The following CNR1 variants were observed in gnomAD, a reference collection of about 807,000 sequenced individuals.
The protein encoded by CNR1 is cannabinoid receptor 1.
A neutral mutation model predicts 23.0 loss-of-function variants in CNR1; 10 were observed. That is an observed-to-expected ratio of 0.43 (90% CI 0.27 to 0.74). The LOEUF (loss-of-function observed/expected upper bound fraction) is 0.74, where lower values mean the gene tolerates loss of function less well. Among genes scored for constraint, CNR1 ranks in the 30% least tolerant of loss-of-function variants. The pLI is 0.19. For synonymous variants in CNR1, 271 were observed against 255.2 expected, an observed-to-expected ratio of 1.06 and a Z score of -0.59; for missense variants, 422 against 618.8, an observed-to-expected ratio of 0.68 and a Z score of 3.37.
At chr6:88,145,363 C>A in intron 1 of CNR1, 26 bp from the exon 2 acceptor site, 7 of 1,034,802 alleles carry the variant, frequency 6.8e-6, no homozygotes, top group Non-Finnish European at 1.0e-5. Context: ...ACAAATAAGC[C>A]GAATGGTGAG....
Position 88,148,905 on chromosome 6 carries a change from A to T in CNR1, c.-63-3568T>A, listed in dbSNP as rs906178761. Among the ~76,000 whole-genome samples the T allele has an allele frequency of 7.6e-4, 116 of 152,250 alleles. 1 individual carries two copies. Among genetic ancestry groups the T allele is most frequent in the African/African-American group, 2.6e-3 (107 of 41,468 alleles). ...TGTGATGGCAGTAGGAGGCACTGCCAAACTGAGGGCCCCGAATCTCCCATG... is the reference window on the plus strand; with the variant it reads ...TGTGATGGCAGTAGGAGGCACTGCCTAACTGAGGGCCCCGAATCTCCCATG... On this transcript the variant is annotated intron_variant, in intron 1 of 1. Transcript: ENST00000369501.
intron 1 of CNR1, among the ~76,000 whole-genome samples, chr6:88,156,386 G>A (rs998822299): frequency 3.9e-5 from 6 of 152,192 alleles, no homozygotes; most frequent in Admixed American, 3.3e-4. Context: ...TCACACCCAT[G>A]TAAGGGACAT....
intron 1 of CNR1, among the ~76,000 whole-genome samples, chr6:88,153,849 G>A (rs1357456590): frequency 2.6e-5 from 4 of 152,322 alleles, no homozygotes; most frequent in East Asian, 1.9e-4. Flanking sequence ...ATAACTTGAT[G>A]AATGATGTTT....
At chr6:88,153,773 T>C (rs1777653308) in intron 1 of CNR1, among the ~76,000 whole-genome samples, 2 of 152,246 alleles carry the variant, frequency 1.3e-5, no homozygotes, top group Non-Finnish European at 2.9e-5. Flanking sequence ...TTTAGTCGAC[T>C]CTTATAACTG....
chr6:88,158,322 T>TA (rs1777910399), intron 1 of CNR1, among the ~76,000 whole-genome samples: 1 of 152,174 alleles, frequency 6.6e-6, no homozygotes, highest in African/African-American at 2.4e-5. Flanking sequence ...AATTAAGAAT[T>TA]AAGAGATTCC....
intron 1 of CNR1, among the ~76,000 whole-genome samples, chr6:88,148,450 C>T (rs549783964): frequency 6.9e-6 from 1 of 144,820 alleles, no homozygotes; most frequent in African/African-American, 2.8e-5. Flanking sequence ...CAGAAGAAGG[C>T]TCCAAATAAG....
chr6:88,157,085 G>A (rs1460519629), intron 1 of CNR1, among the ~76,000 whole-genome samples: 1 of 152,152 alleles, frequency 6.6e-6, no homozygotes, highest in Admixed American at 6.5e-5. Context: ...CAGCCACTTA[G>A]CAATGACGTA....
intron 1 of CNR1, among the ~76,000 whole-genome samples, chr6:88,165,288 T>A (rs1313103856): frequency 6.6e-6 from 1 of 152,240 alleles, no homozygotes; most frequent in African/African-American, 2.4e-5. Context: ...GTTAAACGGT[T>A]CCATCAACAT....
At chr6:88,157,448 C>A (rs576187065) in intron 1 of CNR1, among the ~76,000 whole-genome samples, 8 of 152,212 alleles carry the variant, frequency 5.3e-5, no homozygotes, top group Non-Finnish European at 1.0e-4. Flanking sequence ...AATTAAAATA[C>A]AAATAGGAAA....
In CNR1 at chr6:88,139,922, T is replaced by G. The variant is rs1776713835; in HGVS notation, c.*3934A>C. The G allele has an allele frequency of 6.6e-6, 1 of 152,350 alleles. No homozygotes were observed. Among genetic ancestry groups the G allele is most frequent in the African/African-American group, 2.4e-5 (1 of 41,454 alleles). The allele number at this position is 152,350 out of a possible 1,614,324, so 9.4% of individuals were successfully genotyped here. ...TTTGATTCCAGGTAACTTTGGACAA[T>G]AGACATGATGAGATGTTTTCTCTTT... On this transcript the variant is annotated 3_prime_UTR_variant, in exon 2 of 2. Transcript: ENST00000369501.
chr6:88,143,854 G>T lies in CNR1; in HGVS notation c.*2C>A. On this transcript the variant is annotated 3_prime_UTR_variant, in exon 2 of 2. Transcript: ENST00000369501. ...TCCTGTGCTGCCAGGGAGGCATCAG[G>T]CTCACAGAGCCTCGGCAGACGTGTC... is the stretch of plus-strand genomic sequence containing the variant. 6.2e-7 allele frequency: 1 copy of T among 1,610,624 alleles called. No homozygotes were observed. The highest frequency in any genetic ancestry group is 8.5e-7 in the Non-Finnish European group (1 of 1,177,236).
At chr6:88,164,629 TC>T (rs1778276330) in intron 1 of CNR1, among the ~76,000 whole-genome samples, 1 of 152,160 alleles carries the variant, frequency 6.6e-6, no homozygotes, top group African/African-American at 2.4e-5. Flanking sequence ...TAGTGTATCT[TC>T]CCTTGCAAAC....
Position 88,142,245 on chromosome 6 carries a change from C to T in CNR1, c.*1611G>A, listed in dbSNP as rs1335934287. 1 of 152,388 alleles carries T rather than the reference C, an allele frequency of 6.6e-6. No individual in the cohort carries two copies. The highest frequency in any genetic ancestry group is 1.5e-5 in the Non-Finnish European group (1 of 68,054). 9.4% of individuals were successfully genotyped at this position (152,388 alleles called of 1,614,324 possible). On this transcript the variant is annotated 3_prime_UTR_variant, in exon 2 of 2. Coordinates refer to ENST00000369501, the MANE Select transcript of CNR1 (RefSeq NM_016083.6). ...GTCAATGCCAAGTGTATCGGTTCTTCACTGCCGTTGTGTGTCTCATCCACT... is the reference window on the plus strand; with the variant it reads ...GTCAATGCCAAGTGTATCGGTTCTTTACTGCCGTTGTGTGTCTCATCCACT...
chr6:88,149,246 T>C (rs904671713), intron 1 of CNR1, among the ~76,000 whole-genome samples: 2 of 152,188 alleles, frequency 1.3e-5, no homozygotes, highest in African/African-American at 4.8e-5. Flanking sequence ...CTCCTTTATC[T>C]AAAATATCTC....
chr6:88,150,502 G>A (rs1777462021), intron 1 of CNR1, among the ~76,000 whole-genome samples: 3 of 152,124 alleles, frequency 2.0e-5, no homozygotes, highest in African/African-American at 7.2e-5. Flanking sequence ...CTTCTTAGAA[G>A]TACACATTGT....
At chr6:88,159,742 A>G (rs911114196) in intron 1 of CNR1, among the ~76,000 whole-genome samples, 1 of 152,196 alleles carries the variant, frequency 6.6e-6, no homozygotes, top group Non-Finnish European at 1.5e-5. Context: ...TTTCACATGC[A>G]TACTGCCTGC....
rs915152479 is a variant in CNR1, at chr6:88,140,002, A to G, written c.*3854T>C. On this transcript the variant is annotated 3_prime_UTR_variant, in exon 2 of 2. Coordinates refer to ENST00000369501, the MANE Select transcript of CNR1 (RefSeq NM_016083.6). Reference sequence around the variant, plus strand: ...ATAAAATATACTGTGGGCTTAATACATTGTAAATATTACAGAAGAAGTACT... The same window carrying G: ...ATAAAATATACTGTGGGCTTAATACGTTGTAAATATTACAGAAGAAGTACT... 1.3e-5 allele frequency: 2 copies of G among 152,584 alleles called. No individual in the cohort carries two copies. Among genetic ancestry groups the G allele is most frequent in the Non-Finnish European group, 2.9e-5 (2 of 68,030 alleles). 9.5% of individuals were successfully genotyped at this position (152,584 alleles called of 1,614,324 possible).
chr6:88,145,994 G>C (rs1211114418), intron 1 of CNR1, among the ~76,000 whole-genome samples: 1 of 152,186 alleles, frequency 6.6e-6, no homozygotes, highest in Non-Finnish European at 1.5e-5. Context: ...GGGGAGGTCT[G>C]GACGGAGCCA....
upstream of CNR1, chr6:88,166,499 T>G (rs1340976196): frequency 2.6e-5 from 4 of 152,404 alleles, no homozygotes; most frequent in Non-Finnish European, 4.4e-5. Flanking sequence ...CCCCAAACTT[T>G]GCTTGGGGCG....
Sources: gnomAD v4.1 joint callset for allele counts (sites outside exome capture counted in the v4.1 genomes callset) on GRCh38, gnomAD v4.1.1 for gene constraint, MANE v1.5 for transcripts, NCBI Gene and HGNC (gene_info 2026-07-23, HGNC 2026-07-21) for gene names.